The following FSIP2 variants were observed in gnomAD, a reference collection of about 807,000 sequenced individuals.
FSIP2 encodes fibrous sheath interacting protein 2.
FSIP2 carries 367 observed loss-of-function variants against 510.5 expected under a neutral mutation model. The ratio of observed to expected loss-of-function variants is 0.72; its 90% CI spans 0.66 to 0.78. The LOEUF is 0.78. Among genes scored for constraint, FSIP2 ranks in the 30% least tolerant of loss-of-function variants. The pLI, the probability that FSIP2 is intolerant of heterozygous loss-of-function variation, is 0.00. For missense variants in FSIP2, 7,594 were observed against 7,901.7 expected (o/e 0.96, Z 1.48); for synonymous variants, 2,601 against 2,732.2 (o/e 0.95, Z 1.50).
upstream of FSIP2, among the ~76,000 whole-genome samples, chr2:185,738,417 T>G (rs1450983638): frequency 6.6e-6 from 1 of 152,144 alleles, no homozygotes; most frequent in East Asian, 1.9e-4. Flanking sequence ...GTCTGCCTTG[T>G]GGACCTGGTG....
In FSIP2 at chr2:185,803,774, G is replaced by A; in HGVS notation, c.14468G>A (p.Ser4823Asn). The A allele has an allele frequency of 1.3e-6, 2 of 1,528,358 alleles. No individual in the cohort carries two copies. The highest frequency in any genetic ancestry group is 1.8e-6 in the Non-Finnish European group (2 of 1,142,442). The allele number at this position is 1,528,358 out of a possible 1,614,324, so 94.7% of individuals were successfully genotyped here. A position where few individuals can be genotyped will look rare whatever the true frequency, so the allele number is the denominator to read the frequency against. Reference sequence around the variant, plus strand: ...TCAGATACTACTAAATCAGACTTAAGTAATACAGTGATAAAACTGATAAAT... The same window carrying A: ...TCAGATACTACTAAATCAGACTTAAATAATACAGTGATAAAACTGATAAAT... ...EQSDTTKSDL[S>N]NTVIKLINEI... Residue 4823 changes from serine to asparagine, a missense_variant, in exon 17 of 23, where the codon AGT (serine) becomes AAT (asparagine). Coordinates refer to ENST00000424728, the MANE Select transcript of FSIP2 (RefSeq NM_173651.4).
rs1692337517 is a variant in FSIP2, at chr2:185,760,954, A to C, written c.1079-34A>C. ...TTTCCTAAAGCTGTTAAAAAAAAAA[A>C]AAACTATAGAGTTTCTCTCTCGTTT... On this transcript the variant is annotated intron_variant, in intron 9 of 22. Transcript: ENST00000424728. The C allele has an allele frequency of 4.6e-6, 4 of 866,574 alleles. No homozygotes were observed. The Admixed American group carries it at 9.0e-5, about 19-fold the overall frequency. 53.7% of individuals were successfully genotyped at this position (866,574 alleles called of 1,614,324 possible).
intron 20 of FSIP2, among the ~76,000 whole-genome samples, chr2:185,824,911 A>G (rs1293316539): frequency 1.3e-5 from 2 of 151,552 alleles, no homozygotes; most frequent in Non-Finnish European, 2.9e-5. Flanking sequence ...TCATTTTTCT[A>G]TATATTTTTT....
chr2:185,753,848 T>C lies in FSIP2; in HGVS notation c.991+6T>C. ...AGGTCAAGATGGAACACATGGTGAA[T>C]GTGAGAACATTAAAAGATGATGTAG... On this transcript the variant is annotated splice_donor_region_variant and intron_variant, in intron 8 of 22. Coordinates refer to ENST00000424728, the MANE Select transcript of FSIP2 (RefSeq NM_173651.4). 1 of 1,447,308 alleles carries C rather than the reference T, an allele frequency of 6.9e-7. No individual in the cohort carries two copies. The allele number at this position is 1,447,308 out of a possible 1,614,324, so 89.7% of individuals were successfully genotyped here.
chr2:185,751,484 T>C (rs146486105), intron 7 of FSIP2, among the ~76,000 whole-genome samples: 3 of 130,162 alleles, frequency 2.3e-5, no homozygotes, highest in Non-Finnish European at 3.6e-5. Flanking sequence ...TGTGTGTGTG[T>C]GTGTGTGTGT....
At position 185,796,213 on chromosome 2, in the gene FSIP2, A is replaced by T. The variant is rs1400896149; in HGVS notation, c.9077A>T (p.Asn3026Ile). The T allele has an allele frequency of 1.1e-5, 17 of 1,529,096 alleles. No homozygotes were observed. The highest frequency in any genetic ancestry group is 1.5e-5 in the Non-Finnish European group (17 of 1,144,596). 94.7% of individuals were successfully genotyped at this position (1,529,096 alleles called of 1,614,324 possible). A position where few individuals can be genotyped will look rare whatever the true frequency, so the allele number is the denominator to read the frequency against. Reference sequence around the variant, plus strand: ...GAAATTGTGAAAATGCCTATAGAAAACCTTTCTTCTATCCAACAGAAACTG... The same window carrying T: ...GAAATTGTGAAAATGCCTATAGAAATCCTTTCTTCTATCCAACAGAAACTG... Reference protein sequence around the residue: ...FSEIVKMPIENLSSIQQKLLN... With the variant: ...FSEIVKMPIEILSSIQQKLLN... Residue 3026 changes from asparagine to isoleucine, a missense_variant, in exon 16 of 23, where the codon AAC becomes ATC. Asn to Ile is a moderately radical substitution (Grantham distance 149, BLOSUM62 -3). Coordinates refer to ENST00000424728, the MANE Select transcript of FSIP2 (RefSeq NM_173651.4).
Position 185,828,156 on chromosome 2 carries a change from A to G in FSIP2, c.20474A>G (p.Glu6825Gly), listed in dbSNP as rs1559042006. Residue 6825 changes from glutamate to glycine, a missense_variant and splice_region_variant, in exon 21 of 23, where the codon GAA (glutamate) becomes GGA (glycine). By Grantham distance (98) the Glu-to-Gly change is moderately conservative (BLOSUM62 -2). Coordinates refer to ENST00000424728, the MANE Select transcript of FSIP2 (RefSeq NM_173651.4). ...HSDPSAKILEESSQEQKPEHG... is the reference protein window; with the variant it reads ...HSDPSAKILEGSSQEQKPEHG... The stretch of plus-strand genomic sequence containing the variant: ...ACTTTTTTTTTTTTAATCTCTACAG[A>G]AAGTTCTCAGGAACAAAAGCCAGAG... 2 of 1,569,404 alleles carry G rather than the reference A, an allele frequency of 1.3e-6. No individual in the cohort carries two copies. Among genetic ancestry groups the G allele is most frequent in the Non-Finnish European group, 1.8e-6 (2 of 1,141,348 alleles).
chr2:185,759,489 TTA>T (rs1464425702), intron 9 of FSIP2, among the ~76,000 whole-genome samples: 1 of 144,072 alleles, frequency 6.9e-6, no homozygotes, highest in Non-Finnish European at 1.5e-5. Context: ...TCACATATAT[TTA>T]TATTATATTA....
chr2:185,739,021 G>T lies in FSIP2; in HGVS notation c.99+28G>T, dbSNP rs1431278886. On this transcript the variant is annotated intron_variant, in intron 1 of 22. Transcript: ENST00000424728. ...GAGTGGCCGCAAGCTGGGCGGCGTC[G>T]CCCTCTGGCGGCCGCAGGCCTGCTG... 3.3e-6 allele frequency: 5 copies of T among 1,523,312 alleles called. No individual in the cohort carries two copies. In the African/African-American group the frequency reaches 6.9e-5, roughly 21 times the overall value. The allele number at this position is 1,523,312 out of a possible 1,614,324, so 94.4% of individuals were successfully genotyped here.
At chr2:185,767,306 C>T (rs1692508192) in intron 13 of FSIP2, among the ~76,000 whole-genome samples, 1 of 148,660 alleles carries the variant, frequency 6.7e-6, no homozygotes, top group South Asian at 2.1e-4. Context: ...TACCCTAAAA[C>T]TTAAAGTATA....
upstream of FSIP2, among the ~76,000 whole-genome samples, chr2:185,737,963 A>T (rs183375335): frequency 1.1e-4 from 16 of 152,356 alleles, no homozygotes; most frequent in East Asian, 2.9e-3. Context: ...AAATAAATAA[A>T]TGTTTAAAAG....
At chr2:185,781,484 T>C (rs967556115) in intron 13 of FSIP2, among the ~76,000 whole-genome samples, 1 of 152,202 alleles carries the variant, frequency 6.6e-6, no homozygotes, top group African/African-American at 2.4e-5. Flanking sequence ...AAGAAGCATC[T>C]GTATATTTTT....
rs550181143 is a variant in FSIP2, at chr2:185,753,910, T to A, written c.991+68T>A. 5.0e-5 allele frequency: 53 copies of A among 1,051,250 alleles called. 1 individual carries two copies. Among genetic ancestry groups the A allele is most frequent in the South Asian group, 3.2e-4 (15 of 46,430 alleles). The allele number at this position is 1,051,250 out of a possible 1,614,324, so 65.1% of individuals were successfully genotyped here. ...ATGATTATCTATGTAAAAATCCTTG[T>A]GTAATACTCTGTGTATTTACACTTG... On this transcript the variant is annotated intron_variant, in intron 8 of 22. Transcript: ENST00000424728.
At chr2:185,769,391 G>C (rs186239345) in intron 13 of FSIP2, among the ~76,000 whole-genome samples, 3 of 152,046 alleles carry the variant, frequency 2.0e-5, no homozygotes, top group Non-Finnish European at 2.9e-5. Context: ...AGTGATATTG[G>C]GCTTTTTTAA....
At chr2:185,758,091 A>G (rs1303345493) in intron 9 of FSIP2, among the ~76,000 whole-genome samples, 1 of 151,308 alleles carries the variant, frequency 6.6e-6, no homozygotes, top group Non-Finnish European at 1.5e-5. Flanking sequence ...ATCATACATT[A>G]TGTAACTTTA....
At chr2:185,759,365 G>A (rs1379498502) in intron 9 of FSIP2, among the ~76,000 whole-genome samples, 1 of 146,960 alleles carries the variant, frequency 6.8e-6, no homozygotes, top group Non-Finnish European at 1.5e-5. Flanking sequence ...TCATTCCTTG[G>A]ATAAACTCTA....
Position 185,793,209 on chromosome 2 carries a change from C to T in FSIP2, c.6073C>T (p.Pro2025Ser). Residue 2025 changes from proline to serine, a missense_variant, in exon 16 of 23, where the codon CCT becomes TCT. Coordinates refer to ENST00000424728, the MANE Select transcript of FSIP2 (RefSeq NM_173651.4). ...GGAATTAGATAAAGAAAGGGAAAAT[C>T]CTTTTTTAACTCATGACATTGGGAT... ...KQELDKEREN[P>S]FLTHDIGISE... 1 of 1,533,736 alleles carries T rather than the reference C, an allele frequency of 6.5e-7. No individual in the cohort carries two copies. Among genetic ancestry groups the T allele is most frequent in the Non-Finnish European group, 8.7e-7 (1 of 1,145,426 alleles).
In FSIP2 at chr2:185,833,252, C is replaced by G. The variant is rs1416253299; in HGVS notation, c.*26C>G. The G allele has an allele frequency of 6.4e-7, 1 of 1,561,630 alleles. No individual in the cohort carries two copies. The highest frequency in any genetic ancestry group is 1.4e-5 in the African/African-American group (1 of 72,238). ...AGCTTTTGTACCTGATATAAGTATG[C>G]TTACTTCTTTTAGAAAATAAAATGG... On this transcript the variant is annotated 3_prime_UTR_variant, in exon 23 of 23. Coordinates refer to ENST00000424728, the MANE Select transcript of FSIP2 (RefSeq NM_173651.4).
intron 19 of FSIP2, among the ~76,000 whole-genome samples, chr2:185,823,824 C>T (rs1219830309): frequency 1.3e-5 from 2 of 151,526 alleles, no homozygotes; most frequent in African/African-American, 4.8e-5. Context: ...GGAAGCAATC[C>T]CAATGTCCAT....
Sources: gnomAD v4.1 joint callset for allele counts (sites outside exome capture counted in the v4.1 genomes callset) on GRCh38, gnomAD v4.1.1 for gene constraint, MANE v1.5 for transcripts, NCBI Gene and HGNC (gene_info 2026-07-23, HGNC 2026-07-21) for gene names.